CPA6: variants seen among roughly 807,000 people sequenced by gnomAD.
CPA6 encodes carboxypeptidase B.
Under a neutral mutation model 63.3 loss-of-function variants are expected in CPA6, and 58 were observed. That is an observed-to-expected ratio of 0.92 (90% CI 0.74 to 1.14). The LOEUF is 1.14. CPA6 is among the 50% of genes most tolerant of loss of function. The pLI is 0.00. For missense variants in CPA6, 565 were observed against 526.6 expected, an observed-to-expected ratio of 1.07 and a Z score of -0.71; for synonymous variants, 185 against 179.0, an observed-to-expected ratio of 1.03 and a Z score of -0.27.
intron 2 of CPA6, among the ~76,000 whole-genome samples, chr8:67,616,049 C>T (rs1266242141): frequency 6.6e-6 from 1 of 152,130 alleles, no homozygotes; most frequent in Non-Finnish European, 1.5e-5. Context: ...ATGGGTCACA[C>T]CAAAGAGTTT....
At chr8:67,745,960 C>T in intron 1 of CPA6, 54 bp downstream of exon 1, 1 of 1,363,094 alleles carries the variant, frequency 7.3e-7, no homozygotes, top group Non-Finnish European at 1.0e-6. Context: ...TGGAGCAAAC[C>T]AGCCCCCAGA....
chr8:67,430,086 T>C (rs531177621), intron 9 of CPA6, among the ~76,000 whole-genome samples: 39 of 151,656 alleles, frequency 2.6e-4, no homozygotes, highest in African/African-American at 8.5e-4. Flanking sequence ...AAAAAGTACC[T>C]AGGCATCAGT....
intron 2 of CPA6, among the ~76,000 whole-genome samples, chr8:67,603,026 A>T (rs1391120617): frequency 1.3e-5 from 2 of 152,252 alleles, no homozygotes; most frequent in African/African-American, 4.8e-5. Context: ...TGGTCTCATT[A>T]TAAGCAAGAA....
chr8:67,544,718 T>C (rs1812776592), intron 2 of CPA6, among the ~76,000 whole-genome samples: 1 of 152,232 alleles, frequency 6.6e-6, no homozygotes. Context: ...TTGATGTGGA[T>C]TGCAGATGTA....
intron 2 of CPA6, among the ~76,000 whole-genome samples, chr8:67,543,613 G>C (rs1468734375): frequency 6.6e-6 from 1 of 152,066 alleles, no homozygotes; most frequent in Non-Finnish European, 1.5e-5. Flanking sequence ...CAAAATTCAT[G>C]ATAAATAATG....
chr8:67,564,986 T>C (rs1411650855), intron 2 of CPA6, among the ~76,000 whole-genome samples: 2 of 152,168 alleles, frequency 1.3e-5, no homozygotes, highest in African/African-American at 4.8e-5. Flanking sequence ...AACCGCAGCG[T>C]GGTCTTCTAG....
chr8:67,727,993 G>C (rs926725232), intron 1 of CPA6, among the ~76,000 whole-genome samples: 1 of 151,494 alleles, frequency 6.6e-6, no homozygotes, highest in African/African-American at 2.4e-5. Context: ...CAGAAGAATG[G>C]TGTGAACCCA....
intron 2 of CPA6, among the ~76,000 whole-genome samples, chr8:67,534,772 G>A (rs946322986): frequency 1.3e-5 from 2 of 152,032 alleles, no homozygotes; most frequent in African/African-American, 4.8e-5. Context: ...GAACGTGCAG[G>A]TTTGTTACAT....
intron 8 of CPA6, among the ~76,000 whole-genome samples, chr8:67,480,723 T>C (rs993826795): frequency 6.6e-6 from 1 of 152,172 alleles, no homozygotes; most frequent in Non-Finnish European, 1.5e-5. Flanking sequence ...TCATATGTTT[T>C]TAACTTTTTA....
chr8:67,568,576 T>C (rs1171287300), intron 2 of CPA6, among the ~76,000 whole-genome samples: 1 of 152,098 alleles, frequency 6.6e-6, no homozygotes, highest in East Asian at 1.9e-4. Flanking sequence ...GAAGAATCAG[T>C]GAACTCAGAG....
chr8:67,460,260 T>A (rs1810771063), intron 8 of CPA6, among the ~76,000 whole-genome samples: 1 of 152,198 alleles, frequency 6.6e-6, no homozygotes, highest in South Asian at 2.1e-4. Context: ...ATTGAATGAA[T>A]CAATCTGCCC....
intron 4 of CPA6, among the ~76,000 whole-genome samples, 199 bp downstream of exon 4, chr8:67,511,342 C>G (rs1411663454): frequency 6.6e-6 from 1 of 152,144 alleles, no homozygotes; most frequent in Non-Finnish European, 1.5e-5. Flanking sequence ...TATTTTGATA[C>G]TTCTTATATA....
At chr8:67,729,714 A>G (rs1196037576) in intron 1 of CPA6, among the ~76,000 whole-genome samples, 2 of 152,258 alleles carry the variant, frequency 1.3e-5, no homozygotes, top group Admixed American at 1.3e-4. Flanking sequence ...TGCAAGGCTT[A>G]GTCAAATTAT....
intron 8 of CPA6, among the ~76,000 whole-genome samples, chr8:67,470,535 G>A (rs1811034779): frequency 6.6e-6 from 1 of 152,098 alleles, no homozygotes; most frequent in Non-Finnish European, 1.5e-5. Context: ...TTATTTTCAT[G>A]AATTGAGACT....
intron 1 of CPA6, among the ~76,000 whole-genome samples, chr8:67,685,648 A>G (rs985996368): frequency 6.6e-6 from 1 of 152,180 alleles, no homozygotes; most frequent in Non-Finnish European, 1.5e-5. Context: ...TAAAAAAACT[A>G]GAATTGCTAA....
chr8:67,649,621 G>A (rs1402463317), intron 1 of CPA6, among the ~76,000 whole-genome samples: 1 of 152,100 alleles, frequency 6.6e-6, no homozygotes, highest in Non-Finnish European at 1.5e-5. Flanking sequence ...AGAGCATTGG[G>A]AACTAAGGTT....
At chr8:67,468,674 AC>A (rs1167444349) in intron 8 of CPA6, among the ~76,000 whole-genome samples, 6 of 152,100 alleles carry the variant, frequency 3.9e-5, no homozygotes, top group African/African-American at 1.2e-4. Flanking sequence ...GTGGGCAATA[AC>A]CTTTTATGAC....
At chr8:67,702,101 C>T (rs1267323494) in intron 1 of CPA6, among the ~76,000 whole-genome samples, 4 of 152,158 alleles carry the variant, frequency 2.6e-5, no homozygotes, top group Admixed American at 2.6e-4. Flanking sequence ...AGACAGAAAA[C>T]ACCTGAATTT....
intron 2 of CPA6, among the ~76,000 whole-genome samples, chr8:67,618,466 C>T (rs1815007457): frequency 6.6e-6 from 1 of 152,156 alleles, no homozygotes; most frequent in African/African-American, 2.4e-5. Flanking sequence ...AGGGAGGCCA[C>T]ACCAGGGACA....
Sources: gnomAD v4.1 joint callset for allele counts (sites outside exome capture counted in the v4.1 genomes callset) on GRCh38, gnomAD v4.1.1 for gene constraint, MANE v1.5 for transcripts, NCBI Gene and HGNC (gene_info 2026-07-23, HGNC 2026-07-21) for gene names.